NKAIN2: variants seen among roughly 807,000 people sequenced by gnomAD.
NKAIN2 encodes sodium/potassium transporting ATPase interacting 2.
In NKAIN2, 14 loss-of-function variants were observed where a neutral mutation model predicts 32.6. The ratio of observed to expected loss-of-function variants is 0.43; its 90% CI spans 0.28 to 0.67. The LOEUF is 0.67. NKAIN2 is among the 30% of genes least tolerant of loss of function. The probability of loss-of-function intolerance (pLI) is 0.17; values close to 1 mark genes in which losing one functional copy is unlikely to be tolerated. For missense variants in NKAIN2, 198 were observed against 258.3 expected (o/e 0.77, Z 1.60); for synonymous variants, 80 against 87.2 (o/e 0.92, Z 0.46).
At chr6:124,584,457 G>A (rs917408780) in intron 3 of NKAIN2, among the ~76,000 whole-genome samples, 2 of 152,032 alleles carry the variant, frequency 1.3e-5, no homozygotes, top group African/African-American at 4.8e-5. Flanking sequence ...TTCGAGATCA[G>A]CCTGGCCAAC....
chr6:124,451,994 A>G (rs1471191251), intron 3 of NKAIN2, among the ~76,000 whole-genome samples: 1 of 152,060 alleles, frequency 6.6e-6, no homozygotes, highest in Non-Finnish European at 1.5e-5. Flanking sequence ...CAGGAGTTTG[A>G]GACCAGCCTG....
chr6:124,305,144 A>G (rs967940727), intron 2 of NKAIN2, among the ~76,000 whole-genome samples: 4 of 152,184 alleles, frequency 2.6e-5, no homozygotes, highest in African/African-American at 9.6e-5. Context: ...TTTCATTTTT[A>G]AGATTAAAAA....
chr6:124,341,688 T>G (rs1798121980), intron 2 of NKAIN2, among the ~76,000 whole-genome samples: 3 of 152,204 alleles, frequency 2.0e-5, no homozygotes, highest in Admixed American at 1.3e-4. Flanking sequence ...AATCTATGAT[T>G]AGAATTGGAT....
intron 4 of NKAIN2, among the ~76,000 whole-genome samples, chr6:124,733,588 T>A (rs2114670746): frequency 6.6e-6 from 1 of 151,940 alleles, no homozygotes; most frequent in South Asian, 2.1e-4. Context: ...AATTGAACAA[T>A]TAAGTAAATA....
At chr6:124,036,472 G>T (rs1781608719) in intron 1 of NKAIN2, among the ~76,000 whole-genome samples, 1 of 151,996 alleles carries the variant, frequency 6.6e-6, no homozygotes, top group Non-Finnish European at 1.5e-5. Context: ...ATTTAAAAGT[G>T]AAAAAGTTCC....
chr6:123,862,476 G>A (rs185171347), intron 1 of NKAIN2, among the ~76,000 whole-genome samples: 64 of 152,070 alleles, frequency 4.2e-4, no homozygotes, highest in African/African-American at 9.2e-4. Context: ...AAGGTTAAAC[G>A]CAGTAACACC....
chr6:124,408,554 A>G (rs1773985335), intron 3 of NKAIN2, among the ~76,000 whole-genome samples: 3 of 152,068 alleles, frequency 2.0e-5, no homozygotes, highest in Non-Finnish European at 4.4e-5. Context: ...CCATTGATCT[A>G]TATGTCTGTT....
At chr6:123,938,550 A>T (rs184641) in intron 1 of NKAIN2, among the ~76,000 whole-genome samples, 6 of 136,254 alleles carry the variant, frequency 4.4e-5, no homozygotes, top group South Asian at 4.4e-4. Context: ...TATATTATAT[A>T]TTTATATATT....
chr6:123,935,758 C>A (rs1237576131), intron 1 of NKAIN2, among the ~76,000 whole-genome samples: 1 of 151,974 alleles, frequency 6.6e-6, no homozygotes, highest in Non-Finnish European at 1.5e-5. Flanking sequence ...TCATCTAATT[C>A]AAATATTAAA....
chr6:124,700,824 T>TA (rs1774742727), intron 4 of NKAIN2, among the ~76,000 whole-genome samples: 2 of 151,202 alleles, frequency 1.3e-5, no homozygotes, highest in African/African-American at 4.9e-5. Context: ...TAAATTCCAA[T>TA]AAAAAGGAAT....
chr6:124,798,023 T>TCCTC (rs1780081344), intron 5 of NKAIN2, among the ~76,000 whole-genome samples: 1 of 151,982 alleles, frequency 6.6e-6, no homozygotes, highest in Non-Finnish European at 1.5e-5. Context: ...CTTCCTTCCT[T>TCCTC]CCTCCCCTCT....
chr6:124,206,843 T>C (rs992147354), intron 1 of NKAIN2, among the ~76,000 whole-genome samples: 3 of 151,728 alleles, frequency 2.0e-5, no homozygotes, highest in Admixed American at 6.6e-5. Flanking sequence ...TCAAGGTCAG[T>C]TTAGCTTCCA....
At chr6:124,632,643 T>TTGTATGTTA (rs1423596174) in intron 3 of NKAIN2, among the ~76,000 whole-genome samples, 3 of 152,220 alleles carry the variant, frequency 2.0e-5, no homozygotes, top group Non-Finnish European at 4.4e-5. Flanking sequence ...CCTCTTGGCT[T>TTGTATGTTA]TGTATGTTAT....
At chr6:124,128,530 T>C (rs1179973511) in intron 1 of NKAIN2, among the ~76,000 whole-genome samples, 1 of 152,176 alleles carries the variant, frequency 6.6e-6, no homozygotes, top group Non-Finnish European at 1.5e-5. Flanking sequence ...CTATTTGAAT[T>C]TCCATAATAA....
At chr6:124,796,421 T>A (rs1470400948) in intron 5 of NKAIN2, among the ~76,000 whole-genome samples, 1 of 152,076 alleles carries the variant, frequency 6.6e-6, no homozygotes, top group African/African-American at 2.4e-5. Flanking sequence ...TTGAGGGGGA[T>A]CACAATTCAG....
At chr6:123,834,838 T>C (rs1774546254) in intron 1 of NKAIN2, among the ~76,000 whole-genome samples, 1 of 152,194 alleles carries the variant, frequency 6.6e-6, no homozygotes, top group African/African-American at 2.4e-5. Context: ...TTGATTTTTA[T>C]TTATTAGCTT....
rs561785310 is a variant in NKAIN2, at chr6:124,498,055, T to C, written c.273+142708T>C. Among the ~76,000 whole-genome samples, 5 of 152,206 alleles carry C rather than the reference T, an allele frequency of 3.3e-5. No homozygotes were observed. In the East Asian group the frequency reaches 7.7e-4, roughly 24 times the overall value. On this transcript the variant is annotated intron_variant, in intron 3 of 6. Transcript: ENST00000368417. ...AAATCAACCATTTGGGAAGAATATATATAGTTGAGAAGAACAGGGTGAGTA... is the reference window on the plus strand; with the variant it reads ...AAATCAACCATTTGGGAAGAATATACATAGTTGAGAAGAACAGGGTGAGTA...
At chr6:124,098,198 A>G (rs950636291) in intron 1 of NKAIN2, among the ~76,000 whole-genome samples, 7 of 152,130 alleles carry the variant, frequency 4.6e-5, no homozygotes, top group Non-Finnish European at 8.8e-5. Flanking sequence ...ATTTTCTGAC[A>G]ATTAATATGT....
chr6:123,806,046 A>G (rs909289266), intron 1 of NKAIN2, among the ~76,000 whole-genome samples: 8 of 152,156 alleles, frequency 5.3e-5, no homozygotes, highest in Non-Finnish European at 4.4e-5. Context: ...TCAAAGTAGA[A>G]TGATAAAGCT....
Sources: allele counts gnomAD v4.1 joint callset (sites outside exome capture counted in the v4.1 genomes callset), GRCh38; gene constraint gnomAD v4.1.1; transcripts MANE v1.5; gene names NCBI Gene and HGNC (gene_info 2026-07-23, HGNC 2026-07-21).